Variants in EMC3 observed in about 807,000 individuals in gnomAD.
EMC3 encodes ER membrane protein complex subunit 3.
In EMC3, 13 loss-of-function variants were observed where a neutral mutation model predicts 36.6. That is an observed-to-expected ratio of 0.35 (90% CI 0.23 to 0.56). The LOEUF (loss-of-function observed/expected upper bound fraction) is 0.56, where lower values mean the gene tolerates loss of function less well. Among genes scored for constraint, EMC3 ranks in the 20% least tolerant of loss-of-function variants. EMC3 has a pLI of 0.84. For missense variants in EMC3, 220 were observed against 324.5 expected (o/e 0.68, Z 2.47); for synonymous variants, 120 against 111.9 (o/e 1.07, Z -0.46).
chr3:9,982,102 C>T (rs1177994647), intron 1 of EMC3, among the ~76,000 whole-genome samples: 1 of 151,430 alleles, frequency 6.6e-6, no homozygotes, highest in Non-Finnish European at 1.5e-5. Flanking sequence ...AGGCGTGCAC[C>T]ACCACCCCAG....
At chr3:9,982,224 A>G (rs1575683569) in intron 1 of EMC3, among the ~76,000 whole-genome samples, 1 of 151,788 alleles carries the variant, frequency 6.6e-6, no homozygotes. Context: ...TGCTGGGATT[A>G]CAGGCTTGAG....
chr3:9,996,637 TAA>T (rs1308447214), intron 1 of EMC3, among the ~76,000 whole-genome samples: 1 of 151,922 alleles, frequency 6.6e-6, no homozygotes, highest in East Asian at 1.9e-4. Context: ...TTTTTTTAAT[TAA>T]AAAAAATTTT....
chr3:9,963,475 A>ATTTTTTTTTT lies in EMC3; in HGVS notation c.*593_*594insAAAAAAAAAA, dbSNP rs1461623657. The stretch of plus-strand genomic sequence containing the variant: ...GATAGATATATATATATATATATAT[A>ATTTTTTTTTT]TATTTTTTTTTTTTTTTCAGATGGA... On this transcript the variant is annotated 3_prime_UTR_variant, in exon 8 of 8. Coordinates refer to ENST00000245046, the MANE Select transcript of EMC3 (RefSeq NM_001394674.1). 3 of 102,548 alleles carry ATTTTTTTTTT rather than the reference A, an allele frequency of 2.9e-5. No individual in the cohort carries two copies. Among genetic ancestry groups the ATTTTTTTTTT allele is most frequent in the South Asian group, 5.4e-4 (2 of 3,738 alleles). 6.4% of individuals were successfully genotyped at this position (102,548 alleles called of 1,614,324 possible).
upstream of EMC3, among the ~76,000 whole-genome samples, chr3:9,991,717 A>C (rs557246964): frequency 6.6e-6 from 1 of 152,082 alleles, no homozygotes; most frequent in Non-Finnish European, 1.5e-5. Context: ...TTTCCACTTC[A>C]TATCAGGAAT....
chr3:10,007,335 C>T, intron 1 of EMC3: 2 of 1,330,594 alleles, frequency 1.5e-6, no homozygotes, highest in South Asian at 2.4e-5. Flanking sequence ...TCCCGTCTGC[C>T]TGTGTCAATC....
chr3:9,987,382 C>G (rs1424715316), upstream of EMC3: 18 of 806,232 alleles, frequency 2.2e-5, no homozygotes, highest in Non-Finnish European at 2.6e-5. Flanking sequence ...CAAGCCTCGG[C>G]TTCCTCATCT....
intron 1 of EMC3, chr3:10,003,531 C>T: frequency 1.0e-5 from 3 of 300,226 alleles, no homozygotes; most frequent in Middle Eastern, 2.4e-3. Flanking sequence ...TGACCAGGAG[C>T]TCCAGAACTG....
At chr3:9,996,625 C>A (rs1425300146) in intron 1 of EMC3, among the ~76,000 whole-genome samples, 1 of 152,040 alleles carries the variant, frequency 6.6e-6, no homozygotes, top group African/African-American at 2.4e-5. Flanking sequence ...CCAGTCAACA[C>A]ATTTTTTTAA....
chr3:9,993,243 TGTAGAAACTA>T (rs1463120087), intron 1 of EMC3, among the ~76,000 whole-genome samples: 2 of 152,234 alleles, frequency 1.3e-5, no homozygotes, highest in African/African-American at 2.4e-5. Context: ...AGGACCAGGC[TGTAGAAACTA>T]GTAGAAACGT....
chr3:9,997,268 C>T (rs1412089845), intron 1 of EMC3, among the ~76,000 whole-genome samples: 1 of 149,284 alleles, frequency 6.7e-6, no homozygotes, highest in Non-Finnish European at 1.5e-5. Flanking sequence ...GACGGGGTTT[C>T]ACCGTGTTAG....
Position 9,980,003 on chromosome 3 carries a change from G to A in EMC3, c.156-2557C>T, listed in dbSNP as rs912530186. On this transcript the variant is annotated intron_variant, in intron 1 of 7. Coordinates refer to ENST00000245046, the MANE Select transcript of EMC3 (RefSeq NM_001394674.1). ...AGAGCCAGACTATACAAAATCATGT[G>A]GTCTCACTGTATTTTTTTTTTTTTT... Among the ~76,000 whole-genome samples, 3 of 150,920 alleles carry A rather than the reference G, an allele frequency of 2.0e-5. No individual in the cohort carries two copies. In the Admixed American group the frequency reaches 2.0e-4, roughly 10 times the overall value.
intron 1 of EMC3, chr3:10,001,025 G>A: frequency 4.1e-6 from 1 of 244,870 alleles, no homozygotes; most frequent in South Asian, 5.0e-5. Flanking sequence ...TACTTTTTTT[G>A]TTGTTGTTGC....
intron 1 of EMC3, among the ~76,000 whole-genome samples, chr3:9,984,843 T>C (rs574884315): frequency 6.6e-6 from 1 of 152,346 alleles, no homozygotes; most frequent in Admixed American, 6.5e-5. Context: ...AATGTCACCC[T>C]GTGTGACGCT....
chr3:9,987,873 C>T, upstream of EMC3: 1 of 773,640 alleles, frequency 1.3e-6, no homozygotes, highest in Non-Finnish European at 2.3e-6. Flanking sequence ...TATGAATGAG[C>T]AGAACACCAT....
At chr3:9,970,314 T>G (rs1195294747) in intron 6 of EMC3, among the ~76,000 whole-genome samples, 1 of 152,196 alleles carries the variant, frequency 6.6e-6, no homozygotes, top group Non-Finnish European at 1.5e-5. Context: ...GTTCACAGGC[T>G]TACACTGCTG....
At chr3:9,969,434 T>C in intron 7 of EMC3, 1 of 1,307,906 alleles carries the variant, frequency 7.6e-7, no homozygotes, top group Non-Finnish European at 9.8e-7. Context: ...CAAATTATTC[T>C]AAATGTTTAC....
At chr3:9,990,985 C>T (rs867573357), upstream of EMC3, among the ~76,000 whole-genome samples, 3 of 152,114 alleles carry the variant, frequency 2.0e-5, no homozygotes, top group East Asian at 3.9e-4. Flanking sequence ...CCCACCACCT[C>T]GCCTGGCTAA....
chr3:9,995,519 T>G (rs2086111954), intron 1 of EMC3, among the ~76,000 whole-genome samples: 1 of 150,078 alleles, frequency 6.7e-6, no homozygotes, highest in South Asian at 2.1e-4. Flanking sequence ...CTGGGTTGAT[T>G]GTGATTTTAA....
chr3:9,980,831 C>T (rs944559579), intron 1 of EMC3, among the ~76,000 whole-genome samples: 1 of 152,138 alleles, frequency 6.6e-6, no homozygotes, highest in African/African-American at 2.4e-5. Context: ...AGAGCAGGGT[C>T]GTGACCTTGT....
Sources: gnomAD v4.1 joint callset for allele counts (sites outside exome capture counted in the v4.1 genomes callset) on GRCh38, gnomAD v4.1.1 for gene constraint, MANE v1.5 for transcripts, NCBI Gene and HGNC (gene_info 2026-07-23, HGNC 2026-07-21) for gene names.